Variants in TNFSF10 observed in about 807,000 individuals in gnomAD.
The protein encoded by TNFSF10 is tumor necrosis factor ligand superfamily member 10.
TNFSF10 carries 13 observed loss-of-function variants against 29.5 expected under a neutral mutation model. That is an observed-to-expected ratio of 0.44 (90% CI 0.29 to 0.70). The LOEUF is 0.70. Ranked by LOEUF, TNFSF10 falls within the 30% of genes least tolerant of loss-of-function variation. The pLI is 0.13. For synonymous variants in TNFSF10, 111 were observed against 112.8 expected, an observed-to-expected ratio of 0.98 and a Z score of 0.10; for missense variants, 345 against 330.9, an observed-to-expected ratio of 1.04 and a Z score of -0.33.
chr3:172,514,732 T>A, intron 2 of TNFSF10, 129 bp downstream of exon 2: 1 of 1,294,724 alleles, frequency 7.7e-7, no homozygotes, highest in Non-Finnish European at 1.1e-6. Flanking sequence ...ACTTAAATAC[T>A]CTGGGCCTAA....
chr3:172,506,627 A>C lies in TNFSF10; in HGVS notation c.711T>G (p.Tyr237Ter). Residue 237 changes from tyrosine (Y) to a stop codon, truncating the protein, a stop_gained, in exon 5 of 5, where the codon TAT becomes TAG. Transcript: ENST00000241261. LOFTEE classifies it high-confidence loss of function. ...RNSCWSKDAE[Y>*]GLYSIYQGGI... ...CCCCTTGATAGATGGAATAGAGTCC[A>C]TATTCTGCATCTTTAGACCAACAAC... The C allele has an allele frequency of 6.2e-7, 1 of 1,614,162 alleles. No individual in the cohort carries two copies. Among genetic ancestry groups the C allele is most frequent in the African/African-American group, 1.3e-5 (1 of 75,044 alleles).
At chr3:172,508,352 T>C (rs1713080476) in intron 4 of TNFSF10, among the ~76,000 whole-genome samples, 1 of 151,964 alleles carries the variant, frequency 6.6e-6, no homozygotes. Context: ...TAGCAACATA[T>C]CGACACATGT....
At chr3:172,510,528 A>C (rs1367745285) in intron 3 of TNFSF10, among the ~76,000 whole-genome samples, 2 of 152,326 alleles carry the variant, frequency 1.3e-5, no homozygotes, top group East Asian at 3.9e-4. Context: ...TGGTTATAGC[A>C]AACACCTCCC....
chr3:172,514,334 C>A (rs1483221099), intron 2 of TNFSF10, among the ~76,000 whole-genome samples: 2 of 152,186 alleles, frequency 1.3e-5, no homozygotes, highest in African/African-American at 4.8e-5. Context: ...TAAGAAAAAA[C>A]CACCTTCAAT....
chr3:172,522,320 T>C (rs1465713527), intron 1 of TNFSF10: 11 of 856,010 alleles, frequency 1.3e-5, no homozygotes, highest in Non-Finnish European at 2.0e-5. Context: ...GGATAAAGAC[T>C]CTAAGAGCTA....
Position 172,514,918 on chromosome 3 carries a change from C to G in TNFSF10, c.213G>C (p.Glu71Asp), listed in dbSNP as rs1226573737. ...CTTGCCAGCAGGGGCTGTTCATACTCTCTTCGTCATTGGGGTCCCAATAAC... is the reference window on the plus strand; with the variant it reads ...CTTGCCAGCAGGGGCTGTTCATACTGTCTTCGTCATTGGGGTCCCAATAAC... ...DDSYWDPNDE[E>D]SMNSPCWQVK... is the part of the protein sequence containing the mutation. The change falls in exon 2 of 5, where the codon GAG (glutamate) becomes GAC (aspartate). Residue 71 changes from glutamate (E) to aspartate (D), a missense_variant. Transcript: ENST00000241261. The G allele has an allele frequency of 1.2e-6, 2 of 1,614,162 alleles. No individual in the cohort carries two copies. The highest frequency in any genetic ancestry group is 2.2e-5 in the East Asian group (1 of 44,892).
At chr3:172,518,911 G>T (rs1296721873) in intron 1 of TNFSF10, among the ~76,000 whole-genome samples, 1 of 150,478 alleles carries the variant, frequency 6.6e-6, no homozygotes, top group African/African-American at 2.4e-5. Flanking sequence ...TATAAAAATA[G>T]CATTGTATTG....
chr3:172,518,420 C>A, intron 1 of TNFSF10: 1 of 1,289,362 alleles, frequency 7.8e-7, no homozygotes, highest in Non-Finnish European at 1.0e-6. Context: ...AGCAATGACC[C>A]TGTCTGCTGC....
In TNFSF10 at chr3:172,514,932, G is replaced by A; in HGVS notation, c.199C>T (p.Pro67Ser). The change falls in exon 2 of 5, where the codon CCC becomes TCC. Residue 67 changes from proline (P) to serine (S), a missense_variant. Pro to Ser is a moderately conservative substitution (Grantham distance 74, BLOSUM62 -1). Coordinates refer to ENST00000241261, the MANE Select transcript of TNFSF10 (RefSeq NM_003810.4). ...FLKEDDSYWD[P>S]NDEESMNSPC... is the part of the protein sequence containing the mutation. ...CTGTTCATACTCTCTTCGTCATTGG[G>A]GTCCCAATAACTGTCATCTTCTTTT... The A allele has an allele frequency of 6.2e-7, 1 of 1,614,092 alleles. No homozygotes were observed. The highest frequency in any genetic ancestry group is 8.5e-7 in the Non-Finnish European group (1 of 1,180,012).
chr3:172,519,889 C>G (rs532081940), intron 1 of TNFSF10, among the ~76,000 whole-genome samples: 2 of 152,212 alleles, frequency 1.3e-5, no homozygotes, highest in Non-Finnish European at 2.9e-5. Flanking sequence ...CTGCAGGATG[C>G]GCTGTGCATG....
chr3:172,508,295 CA>C (rs1224695353), intron 4 of TNFSF10, among the ~76,000 whole-genome samples: 1 of 70,940 alleles, frequency 1.4e-5, no homozygotes, highest in Non-Finnish European at 2.9e-5. Flanking sequence ...AACTCCGTCT[CA>C]AAAAAACAAA....
chr3:172,519,172 C>G (rs1055018569), intron 1 of TNFSF10, among the ~76,000 whole-genome samples: 4 of 152,212 alleles, frequency 2.6e-5, no homozygotes, highest in Non-Finnish European at 1.5e-5. Context: ...TGCTCAATAT[C>G]TGTAATTCTC....
intron 2 of TNFSF10, among the ~76,000 whole-genome samples, chr3:172,514,178 C>T (rs1311650166): frequency 6.6e-6 from 1 of 152,122 alleles, no homozygotes; most frequent in Non-Finnish European, 1.5e-5. Flanking sequence ...GAAGGAAGAG[C>T]CTAAGAGAAG....
intron 4 of TNFSF10, chr3:172,507,577 C>T (rs1178657446): frequency 2.0e-5 from 3 of 152,236 alleles, no homozygotes; most frequent in Non-Finnish European, 2.9e-5. Context: ...TATTCATTTA[C>T]ACTTTTAGCC....
At chr3:172,520,745 C>T (rs1039255016) in intron 1 of TNFSF10, among the ~76,000 whole-genome samples, 1 of 152,184 alleles carries the variant, frequency 6.6e-6, no homozygotes, top group African/African-American at 2.4e-5. Context: ...TACAGCTACC[C>T]TCACCCTCAA....
intron 1 of TNFSF10, chr3:172,522,514 C>T (rs934271375): frequency 2.3e-6 from 2 of 852,526 alleles, no homozygotes; most frequent in South Asian, 1.4e-5. Context: ...ACATTGGACT[C>T]AAAAGGAAAA....
intron 1 of TNFSF10, chr3:172,522,295 C>G: frequency 4.1e-6 from 3 of 737,248 alleles, no homozygotes; most frequent in Non-Finnish European, 7.5e-6. Flanking sequence ...GAACTTCATC[C>G]TGCTGTGTGC....
chr3:172,517,867 G>A, intron 1 of TNFSF10: 1 of 985,274 alleles, frequency 1.0e-6, no homozygotes, highest in Non-Finnish European at 1.2e-6. Flanking sequence ...TCTCTTTCTA[G>A]ACCTTTTTAT....
rs765557316 is a variant in TNFSF10, at chr3:172,523,335, A to C, written c.50T>G (p.Val17Gly). 52 of 1,613,982 alleles carry C rather than the reference A, an allele frequency of 3.2e-5. No homozygotes were observed. Among genetic ancestry groups the C allele is most frequent in the Non-Finnish European group, 4.2e-5 (49 of 1,179,958 alleles). The change falls in exon 1 of 5, where the codon GTG becomes GGG. Residue 17 changes from valine to glycine, a missense_variant. Physicochemically the swap from Val to Gly is moderately radical, Grantham distance 109 (BLOSUM62 -3). Coordinates refer to ENST00000241261, the MANE Select transcript of TNFSF10 (RefSeq NM_003810.4). ...GAGCACTGTGAAGATCACGATCAGCACGCAGGTCTGTCCCAGGCTGGGTCC... is the reference window on the plus strand; with the variant it reads ...GAGCACTGTGAAGATCACGATCAGCCCGCAGGTCTGTCCCAGGCTGGGTCC... ...QGGPSLGQTC[V>G]LIVIFTVLLQ...
Sources: gnomAD v4.1 joint callset for allele counts (sites outside exome capture counted in the v4.1 genomes callset) on GRCh38, gnomAD v4.1.1 for gene constraint, MANE v1.5 for transcripts, NCBI Gene and HGNC (gene_info 2026-07-23, HGNC 2026-07-21) for gene names.